Variants in OBP2A observed in about 807,000 individuals in gnomAD.
OBP2A encodes the protein odorant-binding protein 2a.
A neutral mutation model predicts 21.9 loss-of-function variants in OBP2A; 15 were observed. That is an observed-to-expected ratio of 0.69 (90% confidence interval 0.46 to 1.06). The LOEUF (loss-of-function observed/expected upper bound fraction) is 1.06. OBP2A is among the 50% of genes least tolerant of loss of function. The pLI, the probability that OBP2A is intolerant of heterozygous loss-of-function variation, is 0.00. For missense variants in OBP2A, 192 were observed against 220.1 expected (o/e 0.87, Z 0.81); for synonymous variants, 86 against 91.8 (o/e 0.94, Z 0.36).
intron 4 of OBP2A, 34 bp downstream of exon 4, chr9:135,548,015 C>T: frequency 6.8e-7 from 1 of 1,472,384 alleles, no homozygotes; most frequent in African/African-American, 1.4e-5. Context: ...ATGTCCTGCC[C>T]CATGGTCTCT....
chr9:135,549,862 G>A lies in OBP2A; in HGVS notation c.*27G>A. 1 of 1,548,740 alleles carries A rather than the reference G, an allele frequency of 6.5e-7. No homozygotes were observed. Among genetic ancestry groups the A allele is most frequent in the Non-Finnish European group, 8.7e-7 (1 of 1,146,090 alleles). On this transcript the variant is annotated 3_prime_UTR_variant, in exon 7 of 7. Coordinates refer to ENST00000371776, the MANE Select transcript of OBP2A (RefSeq NM_014582.3). ...CAGCCCCCGGGTCTGCACCTCCAGA[G>A]CCCACCCTACCACCAGACACAGAGC... is the stretch of plus-strand genomic sequence containing the variant.
chr9:135,546,855 C>T lies in OBP2A; in HGVS notation c.150C>T (p.Ser50=). The T allele has an allele frequency of 1.2e-6, 2 of 1,613,706 alleles. No individual in the cohort carries two copies. Among genetic ancestry groups the T allele is most frequent in the Non-Finnish European group, 1.7e-6 (2 of 1,179,736 alleles). ...FPEDRRPRKV[S]PVKVTALGGG... ...AGGACAGGAGGCCCAGGAAGGTGTC[C>T]CCAGTGAAGGTGACAGCCCTGGGCG... Residue 50 remains serine, a synonymous_variant, in exon 2 of 7, where the codon TCC becomes TCT. Transcript: ENST00000371776.
intron 6 of OBP2A, 81 bp downstream of exon 6, chr9:135,549,412 T>C (rs60285781): frequency 0.094 from 104,167 of 1,107,162 alleles, 19,513 homozygotes; most frequent in African/African-American, 0.26. Context: ...GCTCTGGCCC[T>C]TCCCATCCCA....
At position 135,547,162 on chromosome 9, in the gene OBP2A, G is replaced by T. The variant is rs778704196; in HGVS notation, c.207-16G>T. 7 of 1,610,664 alleles carry T rather than the reference G, an allele frequency of 4.3e-6. No homozygotes were observed. The highest frequency in any genetic ancestry group is 1.3e-5 in the African/African-American group (1 of 74,796). On this transcript the variant is annotated splice_polypyrimidine_tract_variant and intron_variant, in intron 2 of 6. Transcript: ENST00000371776. ...GTGTCCTGGGAGCCGCTGCCCGAGT[G>T]TCTCCTGTTTTCCAGGAGGGAGGAT...
chr9:135,546,660 C>G, intron 1 of OBP2A, 118 bp from the exon 2 acceptor site: 2 of 1,502,276 alleles, frequency 1.3e-6, no homozygotes, highest in Non-Finnish European at 1.8e-6. Flanking sequence ...ACCCAGCCTG[C>G]CTTTAGGGGT....
chr9:135,548,588 C>T lies in OBP2A; in HGVS notation c.389-120C>T. Reference sequence around the variant, plus strand: ...CCCAGCCCCACCCCTGAGCTCTGATCCACTCTCGGGCCTCTCCCCCGTCCT... The same window carrying T: ...CCCAGCCCCACCCCTGAGCTCTGATTCACTCTCGGGCCTCTCCCCCGTCCT... On this transcript the variant is annotated intron_variant, in intron 4 of 6. Transcript: ENST00000371776. 3 of 1,451,148 alleles carry T rather than the reference C, an allele frequency of 2.1e-6. No individual in the cohort carries two copies. In the Admixed American group the frequency reaches 6.5e-5, roughly 32 times the overall value. 89.9% of individuals were successfully genotyped at this position (1,451,148 alleles called of 1,614,324 possible).
intron 4 of OBP2A, among the ~76,000 whole-genome samples, chr9:135,548,312 G>A (rs1439713039): frequency 6.6e-6 from 1 of 152,146 alleles, no homozygotes; most frequent in Non-Finnish European, 1.5e-5. Flanking sequence ...GGGCGGCAGG[G>A]CAGCCAGTGC....
intron 4 of OBP2A, 100 bp from the exon 5 acceptor site, chr9:135,548,608 C>CT (rs770898065): frequency 1.0e-4 from 157 of 1,561,046 alleles, no homozygotes; most frequent in African/African-American, 8.3e-4. Context: ...GCCTCTCCCC[C>CT]GTCCTGATGC....
At chr9:135,548,841 C>G (rs1832028626) in intron 5 of OBP2A, 32 bp downstream of exon 5, 1 of 1,608,500 alleles carries the variant, frequency 6.2e-7, no homozygotes, top group African/African-American at 1.3e-5. Flanking sequence ...ACCCCGTGTT[C>G]CCCTGTGTCT....
chr9:135,548,953 C>A, intron 5 of OBP2A, 144 bp downstream of exon 5: 1 of 999,636 alleles, frequency 1.0e-6, no homozygotes, highest in Non-Finnish European at 1.5e-6. Context: ...CCCTGCTTAG[C>A]ATCCTCGTCG....
chr9:135,548,640 T>G (rs188390848), intron 4 of OBP2A, 68 bp from the exon 5 acceptor site: 7 of 1,604,798 alleles, frequency 4.4e-6, no homozygotes, highest in African/African-American at 1.3e-5. Flanking sequence ...CGTCTCCTTT[T>G]AGCATCTGCT....
intron 6 of OBP2A, 181 bp from the exon 7 acceptor site, chr9:135,549,656 C>T: frequency 3.4e-6 from 2 of 593,338 alleles, no homozygotes; most frequent in Non-Finnish European, 6.0e-6. Flanking sequence ...TCCCCCCCAC[C>T]CACTCACCAA....
Position 135,548,577 on chromosome 9 carries a change from T to C in OBP2A, c.389-131T>C, listed in dbSNP as rs994507181. 1.1e-5 allele frequency: 15 copies of C among 1,361,580 alleles called. No individual in the cohort carries two copies. In the African/African-American group the frequency reaches 2.0e-4, roughly 18 times the overall value. The allele number at this position is 1,361,580 out of a possible 1,614,324, so 84.3% of individuals were successfully genotyped here. Reference sequence around the variant, plus strand: ...TCTCTTCTGTCCCCAGCCCCACCCCTGAGCTCTGATCCACTCTCGGGCCTC... The same window carrying C: ...TCTCTTCTGTCCCCAGCCCCACCCCCGAGCTCTGATCCACTCTCGGGCCTC... On this transcript the variant is annotated intron_variant, in intron 4 of 6. Coordinates refer to ENST00000371776, the MANE Select transcript of OBP2A (RefSeq NM_014582.3).
chr9:135,546,403 T>A (rs1228298485), intron 1 of OBP2A, 151 bp downstream of exon 1: 3 of 755,848 alleles, frequency 4.0e-6, no homozygotes, highest in Non-Finnish European at 6.3e-6. Flanking sequence ...GTCCTATTGT[T>A]CCTCCAGCAG....
intron 3 of OBP2A, 21 bp downstream of exon 3, chr9:135,547,269 C>A: frequency 1.9e-6 from 3 of 1,613,024 alleles, no homozygotes; most frequent in African/African-American, 1.3e-5. Context: ...CCCCGACCCC[C>A]CACTCCCCAT....
Position 135,547,965 on chromosome 9 carries a change from C to T in OBP2A, c.372C>T (p.Tyr124=), listed in dbSNP as rs1210656867. 2.5e-6 allele frequency: 4 copies of T among 1,609,454 alleles called. No homozygotes were observed. The highest frequency in any genetic ancestry group is 3.4e-6 in the Non-Finnish European group (4 of 1,177,650). ...CKDQRRGGLR[Y]MGKLVGRNPN... is the part of the protein sequence containing the mutation. ...ACCAGCGCCGTGGGGGCCTGCGCTA[C>T]ATGGGAAAGCTTGTGGGTGAGGGGC... is the stretch of plus-strand genomic sequence containing the variant. The change falls in exon 4 of 7, where the codon TAC becomes TAT. Residue 124 remains tyrosine (Y), a synonymous_variant. Transcript: ENST00000371776.
chr9:135,548,101 C>T (rs1053143402), intron 4 of OBP2A, 120 bp downstream of exon 4: 15 of 691,596 alleles, frequency 2.2e-5, no homozygotes, highest in South Asian at 2.0e-4. Context: ...CGCCGGCCTT[C>T]GTGTGCTAGG....
At position 135,547,894 on chromosome 9, in the gene OBP2A, C is replaced by A; in HGVS notation, c.301C>A (p.Leu101Met). 6.2e-7 allele frequency: 1 copy of A among 1,612,580 alleles called. No homozygotes were observed. Among genetic ancestry groups the A allele is most frequent in the East Asian group, 2.2e-5 (1 of 44,868 alleles). The change falls in exon 4 of 7, where the codon CTG becomes ATG. Residue 101 changes from leucine to methionine, a missense_variant. Physicochemically the swap from Leu to Met is conservative, Grantham distance 15. Coordinates refer to ENST00000371776, the MANE Select transcript of OBP2A (RefSeq NM_014582.3). ...AGATGGGGGCAGGAAGCTCATATAC[C>A]TGCAGGAGCTGCCCGGGACGGACGA... ...SAYGGRKLIY[L>M]QELPGTDDYV...
rs552946758 is a variant in OBP2A at position 135,547,691 on chromosome 9, C to T, written c.278-180C>T. Among the ~76,000 whole-genome samples, 248 of 152,296 alleles carry T rather than the reference C, an allele frequency of 1.6e-3. 1 individual carries two copies. The highest frequency in any genetic ancestry group is 5.5e-3 in the African/African-American group (227 of 41,570). ...CTCCATTACTTGCATTGGGACCTTC[C>T]GAGAGGAGGCTCCTGCCTCCGTGTC... is the stretch of plus-strand genomic sequence containing the variant. On this transcript the variant is annotated intron_variant, in intron 3 of 6. Transcript: ENST00000371776.
Sources: allele counts gnomAD v4.1 joint callset (sites outside exome capture counted in the v4.1 genomes callset), GRCh38; gene constraint gnomAD v4.1.1; transcripts MANE v1.5; gene names NCBI Gene and HGNC (gene_info 2026-07-23, HGNC 2026-07-21).